CENPP: variants seen among roughly 807,000 people sequenced by gnomAD.
CENPP encodes centromere protein P.
Under a neutral mutation model 35.6 loss-of-function variants are expected in CENPP, and 24 were observed. That is an observed-to-expected ratio of 0.67 (90% CI 0.49 to 0.95). The LOEUF is 0.95. Among genes scored for constraint, CENPP ranks in the 40% least tolerant of loss-of-function variants. The pLI is 0.00. For synonymous variants in CENPP, 120 were observed against 125.5 expected (o/e 0.96, Z 0.29); for missense variants, 332 against 345.3 (o/e 0.96, Z 0.31).
At chr9:92,384,780 A>G (rs1842358745) in intron 5 of CENPP, 1 of 152,148 alleles carries the variant, frequency 6.6e-6, no homozygotes, top group Non-Finnish European at 1.5e-5. Flanking sequence ...TTTCTGTAGT[A>G]TAAAAGGAAA....
rs758296037 is a variant in CENPP, at chr9:92,509,848, T to C, written c.565-101466T>C. 3.9e-6 allele frequency: 6 copies of C among 1,554,224 alleles called. No homozygotes were observed. The African/African-American group carries it at 5.5e-5, about 14-fold the overall frequency. ...AGTAAATAAAATTTCTACAGGACTA[T>C]ATAGGAAAGATTATAAGGAAGCATA... On this transcript the variant is annotated intron_variant, in intron 5 of 7. Coordinates refer to ENST00000375587, the MANE Select transcript of CENPP (RefSeq NM_001012267.3).
intron 4 of CENPP, among the ~76,000 whole-genome samples, chr9:92,369,016 G>T (rs1841950338): frequency 6.6e-6 from 1 of 152,156 alleles, no homozygotes; most frequent in Non-Finnish European, 1.5e-5. Flanking sequence ...TGCACTCCAG[G>T]CTAGGTGACA....
chr9:92,454,018 A>C (rs1844797811), intron 5 of CENPP, among the ~76,000 whole-genome samples: 1 of 152,184 alleles, frequency 6.6e-6, no homozygotes, highest in South Asian at 2.1e-4. Context: ...CATAATAGTT[A>C]AAGAAAATCA....
chr9:92,524,212 G>A (rs1440280292), intron 5 of CENPP, among the ~76,000 whole-genome samples: 1 of 152,162 alleles, frequency 6.6e-6, no homozygotes, highest in African/African-American at 2.4e-5. Flanking sequence ...GGGCGTGATG[G>A]TGCCATATAA....
chr9:92,538,141 C>T (rs571668456), intron 5 of CENPP, among the ~76,000 whole-genome samples: 10 of 152,260 alleles, frequency 6.6e-5, no homozygotes, highest in Non-Finnish European at 1.2e-4. Context: ...CAAGGAAGTA[C>T]TCTGAAGTAC....
At chr9:92,527,511 C>T (rs1274449272) in intron 5 of CENPP, among the ~76,000 whole-genome samples, 1 of 152,158 alleles carries the variant, frequency 6.6e-6, no homozygotes, top group African/African-American at 2.4e-5. Context: ...TCACATTTCT[C>T]AGAATGTATC....
intron 5 of CENPP, among the ~76,000 whole-genome samples, chr9:92,396,523 T>C (rs1842897104): frequency 1.3e-5 from 2 of 152,018 alleles, no homozygotes; most frequent in South Asian, 4.1e-4. Context: ...TATTTTCTCT[T>C]AGCAGCGTTA....
intron 1 of CENPP, among the ~76,000 whole-genome samples, chr9:92,328,685 T>A (rs1275675201): frequency 2.6e-5 from 4 of 152,154 alleles, no homozygotes; most frequent in Non-Finnish European, 5.9e-5. Flanking sequence ...TGACAAAAAA[T>A]TTTTATGTTA....
intron 5 of CENPP, among the ~76,000 whole-genome samples, chr9:92,568,310 C>G (rs1168676295): frequency 6.6e-6 from 1 of 152,132 alleles, no homozygotes. Flanking sequence ...TGTTCAATTC[C>G]CACCTATGAG....
In CENPP at chr9:92,611,208, C is replaced by T. The variant is rs1191658185; in HGVS notation, c.565-106C>T. ...CACCCATGGATGCTGCGCAAACACT[C>T]GGACCCTGATTTTCGCCAGACACCT... On this transcript the variant is annotated intron_variant, in intron 5 of 7. Coordinates refer to ENST00000375587, the MANE Select transcript of CENPP (RefSeq NM_001012267.3). 32 of 884,754 alleles carry T rather than the reference C, an allele frequency of 3.6e-5. No homozygotes were observed. The East Asian group carries it at 6.0e-4, about 17-fold the overall frequency. 54.8% of individuals were successfully genotyped at this position (884,754 alleles called of 1,614,324 possible).
chr9:92,609,278 C>T (rs1245654042), intron 5 of CENPP, among the ~76,000 whole-genome samples: 8 of 152,276 alleles, frequency 5.3e-5, no homozygotes, highest in African/African-American at 1.9e-4. Flanking sequence ...CCCACACTGG[C>T]AAGAGCTCAG....
intron 5 of CENPP, among the ~76,000 whole-genome samples, chr9:92,607,584 C>T (rs907579247): frequency 2.6e-5 from 4 of 152,128 alleles, no homozygotes; most frequent in Admixed American, 1.3e-4. Context: ...GAATTTATCT[C>T]AATTCTTTAA....
At chr9:92,357,408 A>T (rs1841617696) in intron 4 of CENPP, among the ~76,000 whole-genome samples, 1 of 150,084 alleles carries the variant, frequency 6.7e-6, no homozygotes, top group African/African-American at 2.4e-5. Context: ...CACTTTTTTT[A>T]TTTTTTGTTT....
At chr9:92,604,887 C>G (rs1851031436) in intron 5 of CENPP, among the ~76,000 whole-genome samples, 1 of 152,174 alleles carries the variant, frequency 6.6e-6, no homozygotes, top group Non-Finnish European at 1.5e-5. Flanking sequence ...AGCCACCACA[C>G]CCGGCCTGCA....
intron 4 of CENPP, among the ~76,000 whole-genome samples, chr9:92,356,956 A>G (rs192577184): frequency 2.6e-4 from 39 of 152,212 alleles, no homozygotes; most frequent in Non-Finnish European, 5.3e-4. Context: ...GTATATTTAT[A>G]TGTTGTGCAC....
At chr9:92,436,271 A>G (rs1315893259) in intron 5 of CENPP, among the ~76,000 whole-genome samples, 6 of 151,950 alleles carry the variant, frequency 3.9e-5, no homozygotes, top group African/African-American at 1.5e-4. Context: ...TTTGCTCTTG[A>G]GTTTTATCAG....
rs1845061539 is a variant in CENPP, at chr9:92,460,381, G to T, written c.564+80522G>T. On this transcript the variant is annotated intron_variant, in intron 5 of 7. Coordinates refer to ENST00000375587, the MANE Select transcript of CENPP (RefSeq NM_001012267.3). ...CCCTTCACACTCTCCAGTTCCAACA[G>T]CAACTGGCTAAACAGACAGTGATCT... is the stretch of plus-strand genomic sequence containing the variant. 4.0e-6 allele frequency: 3 copies of T among 749,628 alleles called. No individual in the cohort carries two copies. The African/African-American group carries it at 5.4e-5, about 14-fold the overall frequency. 46.4% of individuals were successfully genotyped at this position (749,628 alleles called of 1,614,324 possible).
At chr9:92,384,945 A>C (rs1842365293) in intron 5 of CENPP, 1 of 152,530 alleles carries the variant, frequency 6.6e-6, no homozygotes, top group Non-Finnish European at 1.5e-5. Context: ...TATTTAGATA[A>C]AGAAAATATT....
At chr9:92,357,572 G>A (rs1214995029) in intron 4 of CENPP, among the ~76,000 whole-genome samples, 10 of 151,640 alleles carry the variant, frequency 6.6e-5, no homozygotes, top group South Asian at 2.1e-4. Flanking sequence ...TCAGCTCACC[G>A]CAACCTCTGC....
Sources: allele counts gnomAD v4.1 joint callset (sites outside exome capture counted in the v4.1 genomes callset), GRCh38; gene constraint gnomAD v4.1.1; transcripts MANE v1.5; gene names NCBI Gene and HGNC (gene_info 2026-07-23, HGNC 2026-07-21).